Variants in ST18 observed in about 807,000 individuals in gnomAD.
The protein encoded by ST18 is suppression of tumorigenicity 18 protein.
In ST18, 50 loss-of-function variants were observed where a neutral mutation model predicts 110.0. That is an observed-to-expected ratio of 0.45 (90% CI 0.36 to 0.58). The LOEUF is 0.58. Among genes scored for constraint, ST18 ranks in the 20% least tolerant of loss-of-function variants. The pLI is 0.00. For missense variants in ST18, 1,306 were observed against 1,280.1 expected (o/e 1.02, Z -0.31); for synonymous variants, 461 against 452.4 (o/e 1.02, Z -0.24).
chr8:52,171,478 T>C (rs563411493), intron 10 of ST18: 6 of 442,824 alleles, frequency 1.4e-5, no homozygotes, highest in South Asian at 7.0e-5. Flanking sequence ...TAAATACTGA[T>C]GTACTTCCAA....
chr8:52,262,035 C>T (rs79664791), intron 2 of ST18, among the ~76,000 whole-genome samples: 3 of 152,252 alleles, frequency 2.0e-5, no homozygotes, highest in Non-Finnish European at 4.4e-5. Context: ...CTGGGAAGTC[C>T]AAGAGCGTGG....
At chr8:52,290,070 G>T (rs980094784) in intron 2 of ST18, among the ~76,000 whole-genome samples, 1 of 152,092 alleles carries the variant, frequency 6.6e-6, no homozygotes, top group African/African-American at 2.4e-5. Context: ...TGGTACACCT[G>T]GTACAACTCT....
intron 2 of ST18, among the ~76,000 whole-genome samples, chr8:52,351,160 T>C (rs1820147041): frequency 6.6e-6 from 1 of 152,222 alleles, no homozygotes; most frequent in Non-Finnish European, 1.5e-5. Context: ...TCCAACACAT[T>C]ATTTGGCGTA....
intron 25 of ST18, 116 bp from the exon 26 acceptor site, chr8:52,113,454 A>G: frequency 8.5e-7 from 1 of 1,182,158 alleles, no homozygotes; most frequent in Non-Finnish European, 1.2e-6. Flanking sequence ...GCAAGGGTGC[A>G]TATGACTGCT....
At chr8:52,194,406 G>C (rs1348200522) in intron 8 of ST18, 1 of 151,304 alleles carries the variant, frequency 6.6e-6, no homozygotes. Context: ...CATCTTCCCA[G>C]TAACCTGGAA....
chr8:52,345,390 G>A (rs1374834111), intron 2 of ST18, among the ~76,000 whole-genome samples: 2 of 152,230 alleles, frequency 1.3e-5, no homozygotes, highest in Admixed American at 6.5e-5. Flanking sequence ...GGCAATGAAC[G>A]ATGACTTCAC....
chr8:52,138,851 A>G (rs759658974), intron 17 of ST18, among the ~76,000 whole-genome samples: 34 of 152,194 alleles, frequency 2.2e-4, no homozygotes, highest in Non-Finnish European at 4.0e-4. Flanking sequence ...GATATACAGA[A>G]TACATGTTTT....
intron 22 of ST18, 134 bp downstream of exon 22, chr8:52,131,824 A>C: frequency 1.4e-6 from 1 of 706,338 alleles, no homozygotes; most frequent in Non-Finnish European, 2.4e-6. Flanking sequence ...TCTATACAGC[A>C]AGACTTCATG....
chr8:52,270,048 A>C (rs6473700), intron 2 of ST18, among the ~76,000 whole-genome samples: 8,578 of 152,252 alleles, frequency 0.056, 812 homozygotes, highest in African/African-American at 0.2. Flanking sequence ...TTAGTTTCCC[A>C]TCCCCGACAC....
At chr8:52,383,549 A>T (rs1030480462) in intron 2 of ST18, among the ~76,000 whole-genome samples, 1 of 151,890 alleles carries the variant, frequency 6.6e-6, no homozygotes, top group African/African-American at 2.4e-5. Flanking sequence ...CCCGGGTTCA[A>T]CCAATTCTCC....
chr8:52,151,003 G>C (rs1246599974), intron 15 of ST18: 4 of 152,270 alleles, frequency 2.6e-5, no homozygotes, highest in African/African-American at 9.6e-5. Flanking sequence ...TTTTCTAAAT[G>C]GGTCGAATAA....
At chr8:52,264,988 C>G (rs2094820227) in intron 2 of ST18, among the ~76,000 whole-genome samples, 1 of 152,150 alleles carries the variant, frequency 6.6e-6, no homozygotes, top group Admixed American at 6.5e-5. Context: ...TACCAAGAAG[C>G]TTAAATTCCA....
intron 15 of ST18, among the ~76,000 whole-genome samples, chr8:52,152,142 G>C (rs1373310157): frequency 1.3e-5 from 2 of 151,980 alleles, no homozygotes; most frequent in East Asian, 3.8e-4. Context: ...CACTGGGAGA[G>C]AGCGGGCGGC....
chr8:52,242,113 TA>T (rs1311394021), intron 2 of ST18, among the ~76,000 whole-genome samples: 1 of 152,166 alleles, frequency 6.6e-6, no homozygotes, highest in Non-Finnish European at 1.5e-5. Context: ...TTCAAAAGAA[TA>T]AAAAATGCTT....
chr8:52,272,734 G>A (rs1374050574), intron 2 of ST18, among the ~76,000 whole-genome samples: 1 of 152,108 alleles, frequency 6.6e-6, no homozygotes, highest in Non-Finnish European at 1.5e-5. Flanking sequence ...TATATCCAGA[G>A]GAATTAAAAT....
intron 8 of ST18, among the ~76,000 whole-genome samples, chr8:52,196,596 G>T (rs755989386): frequency 6.6e-6 from 1 of 152,170 alleles, no homozygotes; most frequent in Non-Finnish European, 1.5e-5. Context: ...TTGAGAGAGA[G>T]ACCTCATTCA....
chr8:52,409,840 C>T (rs1845817785), upstream of ST18: 1 of 152,256 alleles, frequency 6.6e-6, no homozygotes, highest in African/African-American at 2.4e-5. Context: ...ATTCAGAACT[C>T]ATTTCAAAAC....
At chr8:52,299,675 T>C (rs1240785824) in intron 2 of ST18, among the ~76,000 whole-genome samples, 2 of 152,228 alleles carry the variant, frequency 1.3e-5, no homozygotes, top group African/African-American at 4.8e-5. Flanking sequence ...AGTTTTTGTT[T>C]GCTCTTCTGT....
chr8:52,349,880 G>A (rs1819473355), intron 2 of ST18, among the ~76,000 whole-genome samples: 1 of 152,136 alleles, frequency 6.6e-6, no homozygotes, highest in Admixed American at 6.5e-5. Context: ...AGGGGGTCAG[G>A]GGGAAGGAGG....
Sources: gnomAD v4.1 joint callset for allele counts (sites outside exome capture counted in the v4.1 genomes callset) on GRCh38, gnomAD v4.1.1 for gene constraint, MANE v1.5 for transcripts, NCBI Gene and HGNC (gene_info 2026-07-23, HGNC 2026-07-21) for gene names.